COL4A5: variants seen among roughly 807,000 people sequenced by gnomAD.
The protein encoded by COL4A5 is collagen alpha-5(IV) chain.
A neutral mutation model predicts 130.2 loss-of-function variants in COL4A5; 26 were observed. That is an observed-to-expected ratio of 0.20 (90% CI 0.15 to 0.28). The LOEUF (loss-of-function observed/expected upper bound fraction) is 0.28. Ranked by LOEUF, COL4A5 falls within the 10% of genes least tolerant of loss-of-function variation. The pLI is 1.00. For missense variants in COL4A5, 1,131 were observed against 1,344.3 expected, an observed-to-expected ratio of 0.84 and a Z score of 2.48; for synonymous variants, 496 against 439.6, an observed-to-expected ratio of 1.13 and a Z score of -1.60.
At chrX:108,548,930 A>G (rs1460938950) in intron 2 of COL4A5, among the ~76,000 whole-genome samples, 1 of 111,699 alleles carries the variant, frequency 9.0e-6, no homozygotes, top group Non-Finnish European at 1.9e-5. Context: ...CATAATAAAA[A>G]TAGGGAATTA....
At chrX:108,453,276 C>G (rs891196057) in intron 1 of COL4A5, among the ~76,000 whole-genome samples, 1 of 111,635 alleles carries the variant, frequency 9.0e-6, no homozygotes, top group African/African-American at 3.3e-5. Context: ...AGAATGCACA[C>G]TTTTCCAGCT....
In COL4A5 at chrX:108,586,344, G is replaced by A. The variant is rs753681889; in HGVS notation, c.1033-271G>A. ...TTTCTGTAAAGAATTGTCAGGCTTAGGAGATTGGAATGAATTGAATGTGAA... is the reference window on the plus strand; with the variant it reads ...TTTCTGTAAAGAATTGTCAGGCTTAAGAGATTGGAATGAATTGAATGTGAA... On this transcript the variant is annotated intron_variant, in intron 18 of 52. Transcript: ENST00000328300. Among the ~76,000 whole-genome samples, 6 of 111,484 alleles carry A rather than the reference G, an allele frequency of 5.4e-5. No homozygotes were observed. The Admixed American group carries it at 5.7e-4, about 11-fold the overall frequency.
chrX:108,543,002 A>G (rs867904612), intron 2 of COL4A5, among the ~76,000 whole-genome samples: 4 of 110,604 alleles, frequency 3.6e-5, no homozygotes, highest in Non-Finnish European at 5.7e-5. Context: ...TAGATTCTGG[A>G]TATTAGCCCT....
intron 1 of COL4A5, among the ~76,000 whole-genome samples, chrX:108,460,722 G>A (rs1203017359): frequency 1.1e-5 from 1 of 88,326 alleles, no homozygotes; most frequent in African/African-American, 4.4e-5. Context: ...TGGCCAGGCT[G>A]GTCTCGAACT....
At chrX:108,564,565 C>A (rs1307158405) in intron 4 of COL4A5, among the ~76,000 whole-genome samples, 1 of 111,651 alleles carries the variant, frequency 9.0e-6, no homozygotes, top group Admixed American at 9.5e-5. Context: ...GTGTATTTTA[C>A]AACTGAGAGG....
At chrX:108,663,913 G>A (rs1045099302) in intron 37 of COL4A5, among the ~76,000 whole-genome samples, 3 of 111,715 alleles carry the variant, frequency 2.7e-5, no homozygotes, top group African/African-American at 6.5e-5. Context: ...GAGGCCGGGC[G>A]CAGTGGCTCA....
chrX:108,486,625 G>A (rs866660123), intron 1 of COL4A5, among the ~76,000 whole-genome samples: 6 of 110,967 alleles, frequency 5.4e-5, no homozygotes, highest in African/African-American at 1.6e-4. Context: ...ATGCCTTTGC[G>A]TCCTCATAGC....
intron 2 of COL4A5, among the ~76,000 whole-genome samples, chrX:108,548,208 G>A (rs1276159953): frequency 3.6e-5 from 4 of 111,979 alleles, no homozygotes; most frequent in Non-Finnish European, 7.5e-5. Context: ...GCTCACGCTG[G>A]GAGCTGTAGA....
chrX:108,530,818 A>G (rs770358589), intron 1 of COL4A5, among the ~76,000 whole-genome samples: 21 of 107,520 alleles, frequency 2.0e-4, no homozygotes, highest in African/African-American at 6.1e-4. Flanking sequence ...GGGATCTAGA[A>G]CTAGAAATAC....
At chrX:108,674,826 A>C (rs376147847) in intron 43 of COL4A5, 73 bp downstream of exon 43, 21 of 1,053,205 alleles carry the variant, frequency 2.0e-5, no homozygotes, top group Non-Finnish European at 2.4e-5. Flanking sequence ...AGAGAAATGC[A>C]ATTTTTTGCT....
chrX:108,586,722 T>C lies in COL4A5; in HGVS notation c.1140T>C (p.Gly380=). The change falls in exon 19 of 53, where the codon GGT becomes GGC. Residue 380 remains glycine, a synonymous_variant. Coordinates refer to ENST00000328300, the MANE Select transcript of COL4A5 (RefSeq NM_033380.3). ...AGCGAGGATTTCCTGGAATACAGGG[T>C]CCACCTGGCCTTCCTGGACCTCCAG... is the stretch of plus-strand genomic sequence containing the variant. The part of the protein sequence containing the change: ...KGERGFPGIQ[G]PPGLPGPPGA... 1 of 1,210,518 alleles carries C rather than the reference T, an allele frequency of 8.3e-7. No homozygotes were observed. The highest frequency in any genetic ancestry group is 1.8e-5 in the South Asian group (1 of 56,951).
At chrX:108,498,651 A>G (rs891824953) in intron 1 of COL4A5, among the ~76,000 whole-genome samples, 1 of 111,212 alleles carries the variant, frequency 9.0e-6, no homozygotes, top group African/African-American at 3.3e-5. Context: ...TTTACTTGAT[A>G]GGTATATATT....
chrX:108,473,633 A>ATATATATATATTTTTTTTTTTTTT, intron 1 of COL4A5, among the ~76,000 whole-genome samples: 1 of 34,567 alleles, frequency 2.9e-5, no homozygotes, highest in African/African-American at 1.1e-4. Flanking sequence ...ATATATATAT[A>ATATATATATATTTTTTTTTTTTTT]TTTTTTTTTT....
intron 24 of COL4A5, among the ~76,000 whole-genome samples, chrX:108,598,484 G>C (rs1285567559): frequency 8.9e-6 from 1 of 111,807 alleles, no homozygotes; most frequent in Admixed American, 9.4e-5. Context: ...GTTTTCTGTT[G>C]TATCACCAGC....
chrX:108,490,504 A>AT (rs1263909951), intron 1 of COL4A5, among the ~76,000 whole-genome samples: 1 of 111,813 alleles, frequency 8.9e-6, no homozygotes, highest in Non-Finnish European at 1.9e-5. Flanking sequence ...CCACTTCTAA[A>AT]TTTTGTCATT....
chrX:108,693,028 G>A, intron 50 of COL4A5, 103 bp downstream of exon 50: 2 of 921,816 alleles, frequency 2.2e-6, no homozygotes, highest in Non-Finnish European at 3.1e-6. Flanking sequence ...CCTAGGTTAG[G>A]TAGAACAGAG....
chrX:108,616,838 A>G (rs1016813118), intron 30 of COL4A5, among the ~76,000 whole-genome samples: 1 of 109,542 alleles, frequency 9.1e-6, no homozygotes, highest in African/African-American at 3.3e-5. Flanking sequence ...ACCAGATATA[A>G]ATATAATATA....
chrX:108,562,143 A>G (rs1043099413), intron 3 of COL4A5, among the ~76,000 whole-genome samples: 3 of 112,037 alleles, frequency 2.7e-5, no homozygotes, highest in East Asian at 2.8e-4. Flanking sequence ...GAACAACTCA[A>G]TGAATACCAG....
chrX:108,559,304 T>C, intron 3 of COL4A5, 151 bp downstream of exon 3: 1 of 498,067 alleles, frequency 2.0e-6, no homozygotes, highest in Non-Finnish European at 3.5e-6. Context: ...CTGTACTTTA[T>C]TGTATTTTGT....
Sources: gnomAD v4.1 joint callset for allele counts (sites outside exome capture counted in the v4.1 genomes callset) on GRCh38, gnomAD v4.1.1 for gene constraint, MANE v1.5 for transcripts, NCBI Gene and HGNC (gene_info 2026-07-23, HGNC 2026-07-21) for gene names.